The following SYNE1 variants were observed in gnomAD, a reference collection of about 807,000 sequenced individuals.
SYNE1 encodes the protein spectrin repeat containing nuclear envelope protein 1.
SYNE1 carries 616 observed loss-of-function variants against 1,111.0 expected under a neutral mutation model. That is an observed-to-expected ratio of 0.55 (90% confidence interval 0.52 to 0.59). The LOEUF is 0.59. SYNE1 is among the 20% of genes least tolerant of loss of function. The pLI is 0.00. For missense variants in SYNE1, 10,006 were observed against 10,417.0 expected, an observed-to-expected ratio of 0.96 and a Z score of 1.72; for synonymous variants, 3,855 against 3,825.8, an observed-to-expected ratio of 1.01 and a Z score of -0.28.
intron 59 of SYNE1, among the ~76,000 whole-genome samples, chr6:152,370,721 C>T (rs1005273282): frequency 1.3e-5 from 2 of 152,100 alleles, no homozygotes. Context: ...ACAACCAGTA[C>T]TTTAGGTAGT....
chr6:152,460,444 T>C (rs192997429), intron 21 of SYNE1, among the ~76,000 whole-genome samples: 100 of 152,340 alleles, frequency 6.6e-4, no homozygotes, highest in South Asian at 1.0e-3. Flanking sequence ...TGCATTCTTT[T>C]TCATTAATTC....
rs2096751392 is a variant in SYNE1 at position 152,352,112 on chromosome 6, A to C, written c.11495T>G (p.Ile3832Arg). The C allele has an allele frequency of 1.9e-6, 3 of 1,614,088 alleles. No homozygotes were observed. The African/African-American group carries it at 4.0e-5, about 22-fold the overall frequency. ...SDKCKALTQW[I>R]AEYQEILHVP... Reference sequence around the variant, plus strand: ...ATGTAGAATTTCCTGGTATTCTGCTATCCACTGTGTCAGTGCTTTGCATTT... The same window carrying C: ...ATGTAGAATTTCCTGGTATTCTGCTCTCCACTGTGTCAGTGCTTTGCATTT... The change falls in exon 70 of 146, where the codon ATA (isoleucine) becomes AGA (arginine). Residue 3832 changes from isoleucine (I) to arginine (R), a missense_variant. This residue lies in a region of SYNE1 where 4,955 missense variants were observed against 5,017.2 expected (regional missense o/e 0.99). Transcript: ENST00000367255.
At chr6:152,182,881 G>C (rs760597410) in intron 128 of SYNE1, among the ~76,000 whole-genome samples, 17 of 152,086 alleles carry the variant, frequency 1.1e-4, no homozygotes, top group Non-Finnish European at 2.4e-4. Flanking sequence ...AGTTTTTCTG[G>C]GTTGGGTGAC....
chr6:152,398,456 C>G (rs1223344697), intron 49 of SYNE1, among the ~76,000 whole-genome samples, 163 bp downstream of exon 49: 1 of 152,188 alleles, frequency 6.6e-6, no homozygotes, highest in Admixed American at 6.5e-5. Flanking sequence ...TCTCAACATA[C>G]TTATCATGTT....
At chr6:152,612,843 A>G (rs1320582420) in intron 3 of SYNE1, among the ~76,000 whole-genome samples, 2 of 152,232 alleles carry the variant, frequency 1.3e-5, no homozygotes, top group Admixed American at 6.5e-5. Flanking sequence ...CTGATTGAAC[A>G]TATGCAAATC....
At chr6:152,398,975 T>C (rs1046247406) in intron 48 of SYNE1, among the ~76,000 whole-genome samples, 1 of 152,240 alleles carries the variant, frequency 6.6e-6, no homozygotes, top group African/African-American at 2.4e-5. Flanking sequence ...AAATGTATGT[T>C]CCTGGAATGT....
chr6:152,374,255 T>C (rs1471687754), intron 58 of SYNE1, among the ~76,000 whole-genome samples: 1 of 152,214 alleles, frequency 6.6e-6, no homozygotes, highest in African/African-American at 2.4e-5. Flanking sequence ...AATGGGTAGA[T>C]TCTGTATTCT....
chr6:152,551,087 C>A (rs551292758), intron 3 of SYNE1, among the ~76,000 whole-genome samples: 2 of 152,150 alleles, frequency 1.3e-5, no homozygotes, highest in African/African-American at 2.4e-5. Flanking sequence ...TTCCTGACAC[C>A]TTTTCCTTCC....
intron 93 of SYNE1, among the ~76,000 whole-genome samples, chr6:152,297,829 G>A (rs957853555): frequency 3.1e-4 from 45 of 146,696 alleles, no homozygotes; most frequent in African/African-American, 9.0e-4. Context: ...GTGTGCGCGC[G>A]CACGTGGCTC....
chr6:152,396,107 C>T (rs1393238007), intron 50 of SYNE1, among the ~76,000 whole-genome samples: 3 of 152,148 alleles, frequency 2.0e-5, no homozygotes, highest in East Asian at 3.8e-4. Context: ...TACAAAGACC[C>T]TTGAGTTGGG....
intron 3 of SYNE1, among the ~76,000 whole-genome samples, chr6:152,610,693 T>A (rs1181570132): frequency 6.6e-6 from 1 of 151,954 alleles, no homozygotes; most frequent in Non-Finnish European, 1.5e-5. Flanking sequence ...TACATAATTG[T>A]CAGATTCAGC....
Position 152,325,314 on chromosome 6 carries a change from G to A in SYNE1, c.15439-12C>T. ...ACTGACACTAAAGCCTAGGGTTGGG[G>A]GTGGAGGACGGAAGAGAGGAGACAA... is the stretch of plus-strand genomic sequence containing the variant. On this transcript the variant is annotated splice_polypyrimidine_tract_variant and intron_variant, in intron 80 of 145. Coordinates refer to ENST00000367255, the MANE Select transcript of SYNE1 (RefSeq NM_182961.4). 4 of 1,613,410 alleles carry A rather than the reference G, an allele frequency of 2.5e-6. No homozygotes were observed. In the South Asian group the frequency reaches 3.3e-5, roughly 13 times the overall value.
chr6:152,327,332 T>G (rs1023755960), intron 78 of SYNE1, among the ~76,000 whole-genome samples: 1 of 151,302 alleles, frequency 6.6e-6, no homozygotes, highest in African/African-American at 2.4e-5. Context: ...AAAAGAAATA[T>G]AGCAACATCA....
At chr6:152,135,869 C>A (rs1225789870) in intron 141 of SYNE1, among the ~76,000 whole-genome samples, 1 of 152,208 alleles carries the variant, frequency 6.6e-6, no homozygotes, top group African/African-American at 2.4e-5. Context: ...CATCTGGTTC[C>A]TGACCACCTC....
chr6:152,148,642 G>A lies in SYNE1; in HGVS notation c.24643-264C>T, dbSNP rs1453945110. ...CCTCAGTTTTCTCATCTATAAAATG[G>A]GAATAACAGTCCCAGGCATCCCACA... On this transcript the variant is annotated intron_variant, in intron 136 of 145. Transcript: ENST00000367255. This position sits in a 1 kb window ranked among gnomAD's most constrained non-coding sequence, Gnocchi z 4.1. Among the ~76,000 whole-genome samples, 1 of 150,928 alleles carries A rather than the reference G, an allele frequency of 6.6e-6. No homozygotes were observed. Among genetic ancestry groups the A allele is most frequent in the Non-Finnish European group, 1.5e-5 (1 of 67,886 alleles).
Position 152,442,130 on chromosome 6 carries a change from T to C in SYNE1, c.3953A>G (p.Glu1318Gly), listed in dbSNP as rs758833441. 6.2e-7 allele frequency: 1 copy of C among 1,614,040 alleles called. No homozygotes were observed. The highest frequency in any genetic ancestry group is 8.5e-7 in the Non-Finnish European group (1 of 1,180,026). ...DRGHEELRKL[E>G]STLDGLERSR... is the part of the protein sequence containing the mutation. ...GCGCTCCAGGCCATCCAGTGTGCTC[T>C]CCAGCTTCCGCAGCTCCTCGTGGCC... is the stretch of plus-strand genomic sequence containing the variant. Residue 1318 changes from glutamate (E) to glycine (G), a missense_variant, in exon 31 of 146, where the codon GAG becomes GGG. Coordinates refer to ENST00000367255, the MANE Select transcript of SYNE1 (RefSeq NM_182961.4).
chr6:152,247,252 T>C (rs1341702006), intron 105 of SYNE1, among the ~76,000 whole-genome samples: 1 of 152,232 alleles, frequency 6.6e-6, no homozygotes, highest in Non-Finnish European at 1.5e-5. Context: ...TCTGCTGTTA[T>C]TGCCTTTTTA....
chr6:152,456,825 ACT>A (rs1564165058), intron 22 of SYNE1: 10 of 386,172 alleles, frequency 2.6e-5, no homozygotes, highest in South Asian at 1.9e-4. Context: ...AATACTTCAA[ACT>A]GCTCATTTGG....
intron 4 of SYNE1, among the ~76,000 whole-genome samples, chr6:152,530,321 C>T (rs376398060): frequency 1.1e-4 from 17 of 152,130 alleles, no homozygotes; most frequent in East Asian, 1.9e-4. Context: ...GCACAACTGA[C>T]GTGTCTAATT....
Sources: allele counts gnomAD v4.1 joint callset (sites outside exome capture counted in the v4.1 genomes callset), GRCh38; gene constraint gnomAD v4.1.1; regional missense constraint gnomAD v4.1.1; non-coding constraint Gnocchi (gnomAD v3.1); transcripts MANE v1.5; gene names NCBI Gene and HGNC (gene_info 2026-07-23, HGNC 2026-07-21).